GALNT10: variants seen among roughly 807,000 people sequenced by gnomAD.
GALNT10 encodes polypeptide N-acetylgalactosaminyltransferase 10.
GALNT10 carries 41 observed loss-of-function variants against 75.0 expected under a neutral mutation model. That is an observed-to-expected ratio of 0.55 (90% CI 0.43 to 0.71). GALNT10 has a LOEUF of 0.71. Among genes scored for constraint, GALNT10 ranks in the 30% least tolerant of loss-of-function variants. GALNT10 has a pLI of 0.00. For synonymous variants in GALNT10, 302 were observed against 313.0 expected (o/e 0.96, Z 0.37); for missense variants, 727 against 818.5 (o/e 0.89, Z 1.36).
At chr5:154,393,275 T>C (rs932371966) in intron 7 of GALNT10, among the ~76,000 whole-genome samples, 7 of 152,012 alleles carry the variant, frequency 4.6e-5, no homozygotes, top group Non-Finnish European at 1.0e-4. Context: ...GGTCTCCATA[T>C]GTTGCCCAGG....
At chr5:154,329,131 T>C (rs1754802509) in intron 3 of GALNT10, among the ~76,000 whole-genome samples, 1 of 152,090 alleles carries the variant, frequency 6.6e-6, no homozygotes, top group Admixed American at 6.5e-5. Context: ...CATCAAGAAC[T>C]GGGGTCAAAG....
chr5:154,211,182 A>G (rs1342989789), intron 1 of GALNT10, among the ~76,000 whole-genome samples: 1 of 152,234 alleles, frequency 6.6e-6, no homozygotes, highest in Non-Finnish European at 1.5e-5. Context: ...GAGGGCAGGA[A>G]AGGGCTTGGT....
At chr5:154,220,356 T>C (rs1752960505) in intron 1 of GALNT10, 1 of 152,232 alleles carries the variant, frequency 6.6e-6, no homozygotes, top group African/African-American at 2.4e-5. Flanking sequence ...TAATTCAACC[T>C]GCTCACTGGG....
intron 1 of GALNT10, among the ~76,000 whole-genome samples, chr5:154,223,875 G>A (rs183349421): frequency 4.0e-5 from 6 of 151,486 alleles, no homozygotes; most frequent in Non-Finnish European, 7.4e-5. Flanking sequence ...AGCTGAGATC[G>A]CGTCACTGCA....
intron 4 of GALNT10, among the ~76,000 whole-genome samples, chr5:154,340,701 C>G (rs961339681): frequency 6.6e-6 from 1 of 152,220 alleles, no homozygotes; most frequent in African/African-American, 2.4e-5. Context: ...TTCAGAGCTT[C>G]TTCCCAATTT....
At chr5:154,268,599 G>T (rs673746) in intron 1 of GALNT10, among the ~76,000 whole-genome samples, 9,809 of 152,204 alleles carry the variant, frequency 0.064, 865 homozygotes, top group African/African-American at 0.2. Flanking sequence ...ATATTAAATC[G>T]CATTCAGAAA....
At chr5:154,373,903 G>A (rs1351786011) in intron 4 of GALNT10, among the ~76,000 whole-genome samples, 1 of 152,246 alleles carries the variant, frequency 6.6e-6, no homozygotes, top group East Asian at 1.9e-4. Flanking sequence ...CCCAAGCAGG[G>A]GCCTCAATGA....
At chr5:154,347,228 C>G (rs753890534) in intron 4 of GALNT10, 2 of 472,438 alleles carry the variant, frequency 4.2e-6, no homozygotes, top group South Asian at 3.3e-5. Flanking sequence ...TGAGGTGAAA[C>G]TGAGGATTAG....
intron 3 of GALNT10, among the ~76,000 whole-genome samples, chr5:154,319,870 G>T (rs1217449144): frequency 6.6e-6 from 1 of 152,218 alleles, no homozygotes; most frequent in Non-Finnish European, 1.5e-5. Flanking sequence ...TGGTGTGAGT[G>T]GCGGCTTTCT....
chr5:154,261,450 T>G (rs1481130192), intron 1 of GALNT10, among the ~76,000 whole-genome samples: 1 of 152,164 alleles, frequency 6.6e-6, no homozygotes, highest in Non-Finnish European at 1.5e-5. Flanking sequence ...ACTTGTTGCT[T>G]TAGGAGATGA....
intron 1 of GALNT10, among the ~76,000 whole-genome samples, chr5:154,193,570 G>A (rs1405274958): frequency 6.6e-6 from 1 of 152,228 alleles, no homozygotes; most frequent in African/African-American, 2.4e-5. Context: ...TGTCATTCTT[G>A]TAATTGTTGA....
intron 1 of GALNT10, among the ~76,000 whole-genome samples, chr5:154,193,805 T>C (rs1025099115): frequency 9.9e-5 from 15 of 152,244 alleles, no homozygotes; most frequent in African/African-American, 3.6e-4. Context: ...TATCATCTGC[T>C]AGAATGAAAG....
intron 1 of GALNT10, among the ~76,000 whole-genome samples, chr5:154,236,929 C>T (rs1486352761): frequency 6.6e-6 from 1 of 152,204 alleles, no homozygotes; most frequent in Non-Finnish European, 1.5e-5. Flanking sequence ...CCTCAGCCTG[C>T]CAGGCCTGGG....
At chr5:154,351,159 A>C (rs550492567) in intron 4 of GALNT10, among the ~76,000 whole-genome samples, 13 of 152,264 alleles carry the variant, frequency 8.5e-5, no homozygotes, top group Non-Finnish European at 1.8e-4. Context: ...ATTGATGTGC[A>C]TTACCTTGTT....
intron 4 of GALNT10, among the ~76,000 whole-genome samples, chr5:154,330,826 G>A (rs1294833772): frequency 2.0e-5 from 3 of 152,068 alleles, no homozygotes; most frequent in African/African-American, 4.8e-5. Context: ...TTTCAGGAGC[G>A]GCTCACCTGC....
chr5:154,294,335 CA>C (rs1409549104), intron 1 of GALNT10, among the ~76,000 whole-genome samples: 1 of 152,100 alleles, frequency 6.6e-6, no homozygotes, highest in Non-Finnish European at 1.5e-5. Flanking sequence ...CCTTGTCTCC[CA>C]CTCCCCATCT....
At chr5:154,206,197 C>T (rs1046557834) in intron 1 of GALNT10, among the ~76,000 whole-genome samples, 2 of 152,110 alleles carry the variant, frequency 1.3e-5, no homozygotes, top group African/African-American at 2.4e-5. Flanking sequence ...TTACACTGCA[C>T]ATATATATTC....
chr5:154,385,368 G>C (rs1755793795), intron 6 of GALNT10, among the ~76,000 whole-genome samples: 1 of 152,132 alleles, frequency 6.6e-6, no homozygotes. Context: ...TGCATGATTT[G>C]TCGTCTCTGT....
intron 1 of GALNT10, among the ~76,000 whole-genome samples, chr5:154,221,786 C>T (rs1443244996): frequency 2.0e-5 from 3 of 152,228 alleles, no homozygotes; most frequent in African/African-American, 7.2e-5. Context: ...CGACTTGAGG[C>T]CTGTCTGCCT....
Sources: allele counts gnomAD v4.1 joint callset (sites outside exome capture counted in the v4.1 genomes callset), GRCh38; gene constraint gnomAD v4.1.1; transcripts MANE v1.5; gene names NCBI Gene and HGNC (gene_info 2026-07-23, HGNC 2026-07-21).